The following NRG3 variants were observed in gnomAD, a reference collection of about 807,000 sequenced individuals.
The protein encoded by NRG3 is pro-neuregulin-3, membrane-bound isoform.
In NRG3, 31 loss-of-function variants were observed where a neutral mutation model predicts 66.9. That is an observed-to-expected ratio of 0.46 (90% CI 0.35 to 0.63). The LOEUF (loss-of-function observed/expected upper bound fraction) is 0.63, where lower values mean the gene tolerates loss of function less well. Among genes scored for constraint, NRG3 ranks in the 20% least tolerant of loss-of-function variants. The pLI, the probability that NRG3 is intolerant of heterozygous loss-of-function variation, is 0.00. For synonymous variants in NRG3, 393 were observed against 359.4 expected (o/e 1.09, Z -1.06); for missense variants, 910 against 878.9 (o/e 1.04, Z -0.45).
chr10:82,658,461 A>C (rs2052044753), intron 2 of NRG3, among the ~76,000 whole-genome samples: 1 of 152,286 alleles, frequency 6.6e-6, no homozygotes, highest in Non-Finnish European at 1.5e-5. Context: ...TAAAATTAGA[A>C]GTTTGTTCCT....
intron 1 of NRG3, among the ~76,000 whole-genome samples, chr10:82,137,496 A>G (rs1219771015): frequency 6.6e-6 from 1 of 152,192 alleles, no homozygotes. Context: ...AAATAGGTTC[A>G]TGTAGGAATT....
intron 4 of NRG3, among the ~76,000 whole-genome samples, chr10:82,921,015 T>G (rs1846369522): frequency 6.6e-6 from 1 of 151,956 alleles, no homozygotes; most frequent in Non-Finnish European, 1.5e-5. Flanking sequence ...AAATGTAGGC[T>G]ACACATAGTG....
chr10:82,858,062 A>T (rs1301765662), intron 3 of NRG3, among the ~76,000 whole-genome samples: 1 of 152,088 alleles, frequency 6.6e-6, no homozygotes. Context: ...GGCCAAAGAG[A>T]TTGGATCTGG....
chr10:82,882,127 T>C (rs1047981283), intron 4 of NRG3, among the ~76,000 whole-genome samples: 4 of 152,332 alleles, frequency 2.6e-5, no homozygotes, highest in Non-Finnish European at 5.9e-5. Flanking sequence ...CTATGTGCCA[T>C]GACACTTAAG....
At position 82,002,252 on chromosome 10, in the gene NRG3, A is replaced by C. The variant is rs186768188; in HGVS notation, c.823+126089A>C. ...CTTACTCTTGGGACCTCATTACCTGAGTCCCAGGACACCTCAAACTTCTCT... is the reference window on the plus strand; with the variant it reads ...CTTACTCTTGGGACCTCATTACCTGCGTCCCAGGACACCTCAAACTTCTCT... On this transcript the variant is annotated intron_variant, in intron 1 of 8. Coordinates refer to ENST00000372141, the MANE Select transcript of NRG3 (RefSeq NM_001010848.4). Among the ~76,000 whole-genome samples the C allele has an allele frequency of 7.9e-5, 12 of 152,292 alleles. No individual in the cohort carries two copies. In the East Asian group the frequency reaches 2.1e-3, roughly 27 times the overall value.
intron 3 of NRG3, among the ~76,000 whole-genome samples, chr10:82,750,743 T>C (rs2058830615): frequency 6.6e-6 from 1 of 152,164 alleles, no homozygotes; most frequent in African/African-American, 2.4e-5. Flanking sequence ...TGAGTCCACA[T>C]TTTAGCCATC....
At chr10:82,406,020 G>A (rs1196165824) in intron 2 of NRG3, among the ~76,000 whole-genome samples, 1 of 152,070 alleles carries the variant, frequency 6.6e-6, no homozygotes, top group Admixed American at 6.5e-5. Flanking sequence ...CAAAAGGCAT[G>A]GAGATAGAAG....
chr10:82,802,580 T>C (rs991231300), intron 3 of NRG3, among the ~76,000 whole-genome samples: 1 of 152,212 alleles, frequency 6.6e-6, no homozygotes, highest in Non-Finnish European at 1.5e-5. Flanking sequence ...TGTGTCTACA[T>C]AAAATATCAG....
intron 2 of NRG3, among the ~76,000 whole-genome samples, chr10:82,553,034 A>C (rs966614878): frequency 1.4e-5 from 2 of 146,572 alleles, no homozygotes; most frequent in African/African-American, 2.5e-5. Flanking sequence ...ATCACACACA[A>C]ACACACACAC....
At chr10:82,728,739 T>C (rs910323969) in intron 2 of NRG3, among the ~76,000 whole-genome samples, 20 of 152,196 alleles carry the variant, frequency 1.3e-4, no homozygotes, top group Admixed American at 5.9e-4. Context: ...ATTCTATGAT[T>C]GGCTAATTTC....
chr10:82,824,084 A>T (rs762727863), intron 3 of NRG3, among the ~76,000 whole-genome samples: 2 of 152,120 alleles, frequency 1.3e-5, no homozygotes, highest in African/African-American at 2.4e-5. Context: ...TTCTGTCTCT[A>T]TGGCTTTGCC....
chr10:82,466,563 G>T (rs1840698392), intron 2 of NRG3, among the ~76,000 whole-genome samples: 1 of 152,192 alleles, frequency 6.6e-6, no homozygotes, highest in African/African-American at 2.4e-5. Context: ...GGCAGTTCAG[G>T]CCAGGAAGCT....
intron 2 of NRG3, among the ~76,000 whole-genome samples, chr10:82,379,910 C>CA (rs11423046): frequency 0.37 from 29,224 of 78,096 alleles, 4,224 homozygotes; most frequent in African/African-American, 0.49. Flanking sequence ...ATGAACAATC[C>CA]AAAAAAAAAA....
chr10:82,911,492 A>G (rs1845316420), intron 4 of NRG3, among the ~76,000 whole-genome samples: 2 of 151,818 alleles, frequency 1.3e-5, no homozygotes, highest in African/African-American at 2.4e-5. Context: ...CTTTTAAGGC[A>G]TTGATCAATT....
intron 2 of NRG3, among the ~76,000 whole-genome samples, chr10:82,660,375 G>GA (rs1181657036): frequency 6.6e-6 from 1 of 151,958 alleles, no homozygotes; most frequent in Non-Finnish European, 1.5e-5. Flanking sequence ...CAGTTTATTG[G>GA]AACACTTGAT....
At chr10:82,918,103 G>A (rs1225279088) in intron 4 of NRG3, among the ~76,000 whole-genome samples, 1 of 151,520 alleles carries the variant, frequency 6.6e-6, no homozygotes, top group Admixed American at 6.6e-5. Flanking sequence ...ACTGAAAGTT[G>A]ACATTTTCCC....
intron 2 of NRG3, among the ~76,000 whole-genome samples, chr10:82,669,448 T>G (rs923104927): frequency 3.3e-5 from 5 of 152,026 alleles, no homozygotes; most frequent in Non-Finnish European, 5.9e-5. Context: ...TCAGTTCAAT[T>G]TTGCTACCCA....
At chr10:82,600,967 C>T (rs1019896600) in intron 2 of NRG3, among the ~76,000 whole-genome samples, 2 of 151,992 alleles carry the variant, frequency 1.3e-5, no homozygotes, top group Non-Finnish European at 2.9e-5. Flanking sequence ...TTTGGAGTCT[C>T]CAGTGTCTGT....
intron 2 of NRG3, among the ~76,000 whole-genome samples, chr10:82,375,492 G>T (rs1012339571): frequency 1.3e-5 from 2 of 150,656 alleles, no homozygotes; most frequent in African/African-American, 2.5e-5. Context: ...AGCTGAGATC[G>T]TGCCACCGCA....
Sources: allele counts gnomAD v4.1 joint callset (sites outside exome capture counted in the v4.1 genomes callset), GRCh38; gene constraint gnomAD v4.1.1; transcripts MANE v1.5; gene names NCBI Gene and HGNC (gene_info 2026-07-23, HGNC 2026-07-21).